MYO1H: variants seen among roughly 807,000 people sequenced by gnomAD.
MYO1H encodes the protein myosin IH, also known as unconventional myosin-Ih.
Under a neutral mutation model 149.3 loss-of-function variants are expected in MYO1H, and 118 were observed. That is an observed-to-expected ratio of 0.79 (90% CI 0.68 to 0.92). The LOEUF (loss-of-function observed/expected upper bound fraction) is 0.92. Ranked by LOEUF, MYO1H falls within the 40% of genes least tolerant of loss-of-function variation. The pLI is 0.00. For synonymous variants in MYO1H, 447 were observed against 465.2 expected (o/e 0.96, Z 0.50); for missense variants, 1,212 against 1,280.7 (o/e 0.95, Z 0.82).
chr12:109,350,432 G>A (rs1429046472), intron 1 of MYO1H, among the ~76,000 whole-genome samples: 1 of 152,126 alleles, frequency 6.6e-6, no homozygotes, highest in East Asian at 1.9e-4. Flanking sequence ...AGATCTGATG[G>A]TCTTATAAGG....
At chr12:109,334,119 C>T in the MYO1H span, among the ~76,000 whole-genome samples, 3 of 151,988 alleles carry the variant, frequency 2.0e-5, no homozygotes, top group South Asian at 2.1e-4. Flanking sequence ...TGGGTTCAAG[C>T]GATTCTCCTA....
intron 19 of MYO1H, among the ~76,000 whole-genome samples, chr12:109,428,391 A>G (rs1871470744): frequency 6.6e-6 from 1 of 152,144 alleles, no homozygotes; most frequent in Non-Finnish European, 1.5e-5. Flanking sequence ...ATTCTCTTAT[A>G]GCTGTGACCT....
At chr12:109,438,715 G>A (rs771093238) in intron 23 of MYO1H, 95 bp downstream of exon 23, 5 of 940,898 alleles carry the variant, frequency 5.3e-6, no homozygotes, top group Non-Finnish European at 8.1e-6. Flanking sequence ...GTGATTTTTT[G>A]ATTTGTGCAG....
chr12:109,401,318 G>A (rs1394905613), intron 6 of MYO1H, 46 bp downstream of exon 6: 12 of 1,549,056 alleles, frequency 7.7e-6, no homozygotes, highest in South Asian at 2.4e-5. Context: ...TGGAGCAGGG[G>A]ATCAGAGATG....
intron 23 of MYO1H, 95 bp downstream of exon 23, chr12:109,438,715 G>T (rs771093238): frequency 8.5e-6 from 8 of 940,896 alleles, no homozygotes; most frequent in African/African-American, 3.3e-5. Flanking sequence ...GTGATTTTTT[G>T]ATTTGTGCAG....
intron 1 of MYO1H, among the ~76,000 whole-genome samples, chr12:109,373,573 T>C (rs897361629): frequency 6.6e-6 from 1 of 152,190 alleles, no homozygotes; most frequent in Admixed American, 6.5e-5. Context: ...CTGGAATAAA[T>C]CCCATTTGGT....
chr12:109,391,009 G>T (rs932247801), intron 2 of MYO1H, among the ~76,000 whole-genome samples: 1 of 152,164 alleles, frequency 6.6e-6, no homozygotes, highest in Non-Finnish European at 1.5e-5. Flanking sequence ...CATAAATCAG[G>T]TTTACGTGCT....
At chr12:109,391,062 G>A (rs1227321886) in intron 2 of MYO1H, among the ~76,000 whole-genome samples, 2 of 152,144 alleles carry the variant, frequency 1.3e-5, no homozygotes. Flanking sequence ...GTTTAGGGAG[G>A]TATTTCTCTT....
intron 1 of MYO1H, among the ~76,000 whole-genome samples, chr12:109,356,400 GT>G (rs928450298): frequency 6.8e-6 from 1 of 146,586 alleles, no homozygotes. Context: ...TTTTTTTTTT[GT>G]TTTTTTACAA....
intron 1 of MYO1H, among the ~76,000 whole-genome samples, chr12:109,377,984 T>A (rs1209177710): frequency 6.6e-6 from 1 of 152,242 alleles, no homozygotes; most frequent in East Asian, 1.9e-4. Context: ...TATTTCTAAG[T>A]GATACAGAAT....
At chr12:109,345,478 G>A (rs1428858748), upstream of MYO1H, among the ~76,000 whole-genome samples, 1 of 151,786 alleles carries the variant, frequency 6.6e-6, no homozygotes, top group Non-Finnish European at 1.5e-5. Context: ...GCAAGAATTC[G>A]GAGAAAATGG....
At chr12:109,423,932 C>A (rs1256696575) in intron 16 of MYO1H, among the ~76,000 whole-genome samples, 2 of 152,030 alleles carry the variant, frequency 1.3e-5, no homozygotes, top group African/African-American at 2.4e-5. Flanking sequence ...CGCACAGGGG[C>A]GAAAGTCAAA....
chr12:109,331,187 G>A, the MYO1H span, among the ~76,000 whole-genome samples: 3 of 152,186 alleles, frequency 2.0e-5, no homozygotes, highest in Admixed American at 6.5e-5. Flanking sequence ...AGCACCTGAC[G>A]CAGGAAATTC....
At chr12:109,336,939 G>A in the MYO1H span, among the ~76,000 whole-genome samples, 2 of 152,132 alleles carry the variant, frequency 1.3e-5, no homozygotes, top group Admixed American at 6.5e-5. Flanking sequence ...TGGAGTTGGA[G>A]GCCTGGAGTC....
intron 18 of MYO1H, among the ~76,000 whole-genome samples, chr12:109,426,933 G>A (rs1328687743): frequency 6.6e-6 from 1 of 152,134 alleles, no homozygotes; most frequent in African/African-American, 2.4e-5. Context: ...GTTGCCATGT[G>A]GGACTCTGGC....
chr12:109,353,563 C>T (rs887035982), intron 1 of MYO1H, among the ~76,000 whole-genome samples: 1 of 152,096 alleles, frequency 6.6e-6, no homozygotes, highest in Non-Finnish European at 1.5e-5. Context: ...AGATGAATCA[C>T]GTTATTTTTA....
intron 27 of MYO1H, among the ~76,000 whole-genome samples, chr12:109,442,818 T>G (rs1163539987): frequency 3.9e-4 from 51 of 129,840 alleles, no homozygotes; most frequent in African/African-American, 1.4e-3. Flanking sequence ...TTTTTTTTTT[T>G]GTTCCCTGGG....
At chr12:109,346,570 G>A (rs1447637448), upstream of MYO1H, among the ~76,000 whole-genome samples, 1 of 152,160 alleles carries the variant, frequency 6.6e-6, no homozygotes, top group Non-Finnish European at 1.5e-5. Flanking sequence ...AGACCAGCCT[G>A]GTCAACATGG....
chr12:109,393,240 C>G, intron 2 of MYO1H, 91 bp from the exon 3 acceptor site: 1 of 790,896 alleles, frequency 1.3e-6, no homozygotes, highest in South Asian at 1.5e-5. Context: ...ATTTTAAATC[C>G]TCCATGTGGA....
Sources: allele counts gnomAD v4.1 joint callset (sites outside exome capture counted in the v4.1 genomes callset), GRCh38; gene constraint gnomAD v4.1.1; transcripts MANE v1.5; gene names NCBI Gene and HGNC (gene_info 2026-07-23, HGNC 2026-07-21).